Variants in ITPR1 observed in about 807,000 individuals in gnomAD.
ITPR1 encodes inositol 1,4,5-trisphosphate-gated calcium channel ITPR1.
In ITPR1, 96 loss-of-function variants were observed where a neutral mutation model predicts 318.4. The observed-to-expected ratio is 0.30, with a 90% CI of 0.26 to 0.36. The LOEUF is 0.36. ITPR1 is among the 10% of genes least tolerant of loss of function. The pLI, the probability that ITPR1 is intolerant of heterozygous loss-of-function variation, is 1.00. For missense variants in ITPR1, 2,440 were observed against 3,460.2 expected (o/e 0.71, Z 7.40); for synonymous variants, 1,312 against 1,289.9 (o/e 1.02, Z -0.37).
At chr3:4,500,776 G>C (rs1000732542) in intron 2 of ITPR1, among the ~76,000 whole-genome samples, 1 of 152,150 alleles carries the variant, frequency 6.6e-6, no homozygotes, top group Admixed American at 6.5e-5. Flanking sequence ...TGTTACTCTT[G>C]TTCTGTATCC....
intron 4 of ITPR1, among the ~76,000 whole-genome samples, chr3:4,523,051 C>A (rs2082686215): frequency 6.6e-6 from 1 of 152,124 alleles, no homozygotes; most frequent in Admixed American, 6.5e-5. Context: ...AGGTTAAGAA[C>A]CATGGCTAAT....
chr3:4,546,585 T>C (rs2085029992), intron 4 of ITPR1, among the ~76,000 whole-genome samples: 4 of 152,202 alleles, frequency 2.6e-5, no homozygotes, highest in Admixed American at 2.6e-4. Context: ...ATGCTCTGCC[T>C]TCAGCCACAG....
chr3:4,586,613 C>T (rs2089928389), intron 4 of ITPR1, among the ~76,000 whole-genome samples: 1 of 151,300 alleles, frequency 6.6e-6, no homozygotes, highest in Admixed American at 6.6e-5. Context: ...TGGCTCAAGC[C>T]ATCCTCCCAC....
chr3:4,603,687 A>C (rs755686545), intron 4 of ITPR1, among the ~76,000 whole-genome samples: 41 of 152,228 alleles, frequency 2.7e-4, no homozygotes, highest in Non-Finnish European at 4.9e-4. Flanking sequence ...CTTGGCCTCC[A>C]AAAGTGCTGG....
In ITPR1 at chr3:4,683,449, C is replaced by G; in HGVS notation, c.3225C>G (p.Leu1075=). ...HGGRTFLRVL[L]HLTMHDYPPL... is the part of the protein sequence containing the mutation. ...GCAGAACCTTTCTCCGTGTCCTGCTCCACTTGACGATGCATGACTACCCAC... is the reference window on the plus strand; with the variant it reads ...GCAGAACCTTTCTCCGTGTCCTGCTGCACTTGACGATGCATGACTACCCAC... Residue 1075 remains leucine, a synonymous_variant, in exon 27 of 62, where the codon CTC becomes CTG. Coordinates refer to ENST00000649015, the MANE Select transcript of ITPR1 (RefSeq NM_001378452.1). 1 of 1,614,050 alleles carries G rather than the reference C, an allele frequency of 6.2e-7. No homozygotes were observed. Among genetic ancestry groups the G allele is most frequent in the Non-Finnish European group, 8.5e-7 (1 of 1,179,890 alleles).
intron 34 of ITPR1, among the ~76,000 whole-genome samples, chr3:4,698,376 A>G (rs984235146): frequency 6.6e-6 from 1 of 152,182 alleles, no homozygotes; most frequent in Non-Finnish European, 1.5e-5. Flanking sequence ...TTTCACAGAC[A>G]TATTTTTTTA....
Position 4,645,573 on chromosome 3 carries a change from G to A in ITPR1, c.709-9G>A. On this transcript the variant is annotated splice_polypyrimidine_tract_variant and intron_variant, in intron 9 of 61. Transcript: ENST00000649015. ...TTTTTCCTTAATTCTTTCTTGTGTT[G>A]ACTGTCAGGGTGACGTGGTGAGGCT... The A allele has an allele frequency of 1.2e-6, 2 of 1,612,604 alleles. No individual in the cohort carries two copies. The highest frequency in any genetic ancestry group is 1.7e-6 in the Non-Finnish European group (2 of 1,179,200).
chr3:4,688,864 A>G (rs2094438086), intron 31 of ITPR1, among the ~76,000 whole-genome samples: 2 of 152,240 alleles, frequency 1.3e-5, no homozygotes, highest in Admixed American at 6.5e-5. Context: ...ATACGTGTCT[A>G]TATTTTCCTA....
chr3:4,611,048 TCCC>T (rs2092076682), intron 4 of ITPR1, among the ~76,000 whole-genome samples: 3 of 26,966 alleles, frequency 1.1e-4, no homozygotes, highest in African/African-American at 4.4e-4. Flanking sequence ...CCTCCCTCCC[TCCC>T]TCCCTCCCTT....
intron 20 of ITPR1, 150 bp from the exon 21 acceptor site, chr3:4,672,986 C>G (rs908571352): frequency 2.6e-6 from 2 of 761,168 alleles, no homozygotes; most frequent in Non-Finnish European, 4.1e-6. Context: ...AGCCAAAATC[C>G]TGGTATACAA....
chr3:4,627,858 G>A lies in ITPR1; in HGVS notation c.259G>A (p.Val87Met), dbSNP rs1385254083. The change falls in exon 5 of 62, where the codon GTG (valine) becomes ATG (methionine). Residue 87 changes from valine (V) to methionine (M), a missense_variant. Coordinates refer to ENST00000649015, the MANE Select transcript of ITPR1 (RefSeq NM_001378452.1). ...TGGGGCCAACAGCACCACAGACGCA[G>A]TGCTACTCAACAAACTGCACGTACG... ...KPGANSTTDA[V>M]LLNKLHHAAD... The A allele has an allele frequency of 6.2e-7, 1 of 1,612,796 alleles. No homozygotes were observed. The highest frequency in any genetic ancestry group is 2.2e-5 in the East Asian group (1 of 44,874).
chr3:4,725,658 G>T, intron 41 of ITPR1, 77 bp downstream of exon 41: 2 of 1,309,498 alleles, frequency 1.5e-6, no homozygotes, highest in South Asian at 1.2e-5. Context: ...TTGGGTGTCT[G>T]AATTGTTGTA....
chr3:4,658,167 C>T lies in ITPR1; in HGVS notation c.1040C>T (p.Ala347Val), dbSNP rs748517797. The change falls in exon 13 of 62, where the codon GCC becomes GTC. Residue 347 changes from alanine to valine, a missense_variant. Around this residue, in one of 23 missense-constraint regions of ITPR1, gnomAD observed 101 missense variants for 119.6 expected, o/e 0.84. Transcript: ENST00000649015. ...GCCTCTCGAAGTAGGTTGCGGAATG[C>T]CCAAGAAAAGATGGTATACTCCCTG... ...QDASRSRLRNAQEKMVYSLVS... is the reference protein window; with the variant it reads ...QDASRSRLRNVQEKMVYSLVS... 2 of 1,613,276 alleles carry T rather than the reference C, an allele frequency of 1.2e-6. No individual in the cohort carries two copies. Among genetic ancestry groups the T allele is most frequent in the South Asian group, 2.2e-5 (2 of 90,978 alleles).
rs182867924 is a variant in ITPR1 at position 4,635,625 on chromosome 3, A to G, written c.280-3759A>G. ...CTCCCAAAGTGCTGGGATTACAGGCATGAGCCACTGCGCCCAGCCAAAAGG... is the reference window on the plus strand; with the variant it reads ...CTCCCAAAGTGCTGGGATTACAGGCGTGAGCCACTGCGCCCAGCCAAAAGG... On this transcript the variant is annotated intron_variant, in intron 5 of 61. Coordinates refer to ENST00000649015, the MANE Select transcript of ITPR1 (RefSeq NM_001378452.1). 2.3e-3 allele frequency among the ~76,000 whole-genome samples: 356 copies of G among 152,130 alleles called. 6 individuals are homozygous for G. Among genetic ancestry groups the G allele is most frequent in the African/African-American group, 6.2e-3 (259 of 41,484 alleles).
At chr3:4,790,545 C>T (rs917456245) in intron 52 of ITPR1, among the ~76,000 whole-genome samples, 1 of 152,196 alleles carries the variant, frequency 6.6e-6, no homozygotes, top group Non-Finnish European at 1.5e-5. Flanking sequence ...ATGATTTGCA[C>T]ACTTGGGGAG....
intron 44 of ITPR1, among the ~76,000 whole-genome samples, chr3:4,754,651 A>G (rs964092865): frequency 6.6e-6 from 1 of 152,172 alleles, no homozygotes; most frequent in South Asian, 2.1e-4. Context: ...GATTCCTTGG[A>G]CAAAAGTCCT....
intron 4 of ITPR1, among the ~76,000 whole-genome samples, chr3:4,562,239 C>T (rs1169370606): frequency 1.3e-5 from 2 of 152,110 alleles, no homozygotes; most frequent in Admixed American, 6.5e-5. Context: ...TACAGCTCAT[C>T]AAAATATCTT....
At chr3:4,557,948 A>C (rs1478215808) in intron 4 of ITPR1, among the ~76,000 whole-genome samples, 1 of 152,214 alleles carries the variant, frequency 6.6e-6, no homozygotes, top group East Asian at 1.9e-4. Context: ...GTTTTATTAC[A>C]TCCACATAAG....
chr3:4,730,398 TG>T (rs1559788427), intron 42 of ITPR1, among the ~76,000 whole-genome samples: 27 of 145,990 alleles, frequency 1.8e-4, no homozygotes, highest in South Asian at 4.3e-4. Context: ...TGTGTGTGTG[TG>T]TGTGTGTGTG....
Sources: allele counts gnomAD v4.1 joint callset (sites outside exome capture counted in the v4.1 genomes callset), GRCh38; gene constraint gnomAD v4.1.1; regional missense constraint gnomAD v4.1.1; transcripts MANE v1.5; gene names NCBI Gene and HGNC (gene_info 2026-07-23, HGNC 2026-07-21).